The following DICER1 variants were observed in gnomAD, a reference collection of about 807,000 sequenced individuals.
DICER1 encodes dicer 1, ribonuclease III, also known as endoribonuclease Dicer.
Under a neutral mutation model 194.1 loss-of-function variants are expected in DICER1, and 43 were observed. The observed-to-expected ratio is 0.22, with a 90% CI of 0.17 to 0.29. The LOEUF is 0.29. Ranked by LOEUF, DICER1 falls within the 10% of genes least tolerant of loss-of-function variation. The pLI, the probability that DICER1 is intolerant of heterozygous loss-of-function variation, is 1.00. For synonymous variants in DICER1, 832 were observed against 820.5 expected (o/e 1.01, Z -0.24); for missense variants, 1,608 against 2,317.0 (o/e 0.69, Z 6.28).
In DICER1 at chr14:95,155,700, T is replaced by C. The variant is rs115442998; in HGVS notation, c.-46+1530A>G. On this transcript the variant is annotated intron_variant, in intron 1 of 26. Transcript: ENST00000343455. ...AATGTCTTTTCTCCCCAAATTAAAATGGACTAACTGTTCTCTTCTTAAAAC... is the reference window on the plus strand; with the variant it reads ...AATGTCTTTTCTCCCCAAATTAAAACGGACTAACTGTTCTCTTCTTAAAAC... 5.3e-3 allele frequency among the ~76,000 whole-genome samples: 809 copies of C among 152,356 alleles called. 3 individuals are homozygous for C. Among genetic ancestry groups the C allele is most frequent in the African/African-American group, 0.018 (750 of 41,588 alleles).
intron 1 of DICER1, among the ~76,000 whole-genome samples, chr14:95,137,155 G>A (rs1017687940): frequency 6.6e-6 from 1 of 150,424 alleles, no homozygotes; most frequent in African/African-American, 2.5e-5. Context: ...AAAGGGAAAG[G>A]AAGAGGAAGG....
chr14:95,105,118 A>C lies in DICER1; in HGVS notation c.3222T>G (p.Thr1074=). ...LLTAEELRAQ[T]ASDAGVGVRS... ...TGACTCCCACGCCAGCATCGCTGGC[A>C]GTCTGGGCTCTTAGCTCCTCTGCAG... The change falls in exon 20 of 27, where the codon ACT becomes ACG. Residue 1074 remains threonine (T), a synonymous_variant. Transcript: ENST00000343455. This position sits in a 1 kb window ranked among gnomAD's most constrained non-coding sequence, Gnocchi z 4.9. 6.2e-7 allele frequency: 1 copy of C among 1,614,252 alleles called. No homozygotes were observed. Among genetic ancestry groups the C allele is most frequent in the Non-Finnish European group, 8.5e-7 (1 of 1,180,028 alleles).
chr14:95,112,397 T>C, intron 12 of DICER1, 150 bp from the exon 13 acceptor site: 1 of 693,422 alleles, frequency 1.4e-6, no homozygotes, highest in Non-Finnish European at 2.5e-6. Flanking sequence ...AGCAAGTTTT[T>C]AAAAATTCTA....
At chr14:95,155,217 G>T (rs1246883777) in intron 1 of DICER1, among the ~76,000 whole-genome samples, 1 of 152,154 alleles carries the variant, frequency 6.6e-6, no homozygotes, top group Non-Finnish European at 1.5e-5. Flanking sequence ...GAAACATCTT[G>T]GCGCATAACA....
intron 21 of DICER1, 52 bp downstream of exon 21, chr14:95,103,294 T>C: frequency 6.3e-7 from 1 of 1,580,320 alleles, no homozygotes; most frequent in Non-Finnish European, 8.7e-7. Flanking sequence ...TGCAAACCAC[T>C]TTCAGGCACA....
intron 1 of DICER1, among the ~76,000 whole-genome samples, chr14:95,154,364 A>T (rs1016763104): frequency 6.6e-6 from 1 of 152,226 alleles, no homozygotes; most frequent in Admixed American, 6.5e-5. Flanking sequence ...TATATGTCTA[A>T]AAGAAGGGAA....
intron 1 of DICER1, among the ~76,000 whole-genome samples, chr14:95,149,843 A>AT (rs200460413): frequency 0.035 from 5,314 of 152,300 alleles, 326 homozygotes; most frequent in African/African-American, 0.12. Flanking sequence ...AGACACTTTT[A>AT]AATTAAAAGA....
chr14:95,140,827 A>G (rs1304131285), intron 1 of DICER1: 2 of 152,324 alleles, frequency 1.3e-5, no homozygotes, highest in Non-Finnish European at 2.9e-5. Context: ...CATCTACAAG[A>G]GAGCCCTACT....
At chr14:95,149,619 T>G (rs757513966) in intron 1 of DICER1, among the ~76,000 whole-genome samples, 13 of 152,186 alleles carry the variant, frequency 8.5e-5, no homozygotes, top group Non-Finnish European at 1.9e-4. Flanking sequence ...TGAAAGATAA[T>G]CTCATACTAT....
At chr14:95,157,179 G>C (rs1895948924) in intron 1 of DICER1, 51 bp downstream of exon 1, 1 of 149,904 alleles carries the variant, frequency 6.7e-6, no homozygotes, top group Non-Finnish European at 1.5e-5. Context: ...GCGGCCAGGC[G>C]ACCCGCTCCC....
At chr14:95,098,340 A>C (rs945681828) in intron 22 of DICER1, among the ~76,000 whole-genome samples, 1 of 152,264 alleles carries the variant, frequency 6.6e-6, no homozygotes, top group Non-Finnish European at 1.5e-5. Context: ...GTTTCCACTT[A>C]AGCCCATTTG....
rs756202530 is a variant in DICER1 at position 95,108,300 on chromosome 14, AAGTACTCATT to A, written c.2436+14_2436+23del. ...TTCCTAAGCAAGACGTTTTTGACAT[AAGTACTCATT>A]ATGAAATACCTACCTGAGGTATGGG... On this transcript the variant is annotated intron_variant, in intron 15 of 26. Transcript: ENST00000343455. 330 of 1,608,260 alleles carry A rather than the reference AAGTACTCATT, an allele frequency of 2.1e-4. No homozygotes were observed. Among genetic ancestry groups the A allele is most frequent in the Non-Finnish European group, 2.6e-4 (310 of 1,175,152 alleles).
intron 6 of DICER1, among the ~76,000 whole-genome samples, chr14:95,127,142 C>T (rs1196674318): frequency 6.6e-6 from 1 of 152,198 alleles, no homozygotes; most frequent in African/African-American, 2.4e-5. Context: ...CATTACATGA[C>T]TCTGTCTAAA....
intron 10 of DICER1, 100 bp downstream of exon 10, chr14:95,116,353 T>C: frequency 7.0e-7 from 1 of 1,424,144 alleles, no homozygotes; most frequent in Non-Finnish European, 9.7e-7. Context: ...TGCCTGTAGA[T>C]AAAACTCATT....
At chr14:95,094,227 C>G in intron 23 of DICER1, 71 bp from the exon 24 acceptor site, 2 of 1,550,456 alleles carry the variant, frequency 1.3e-6, no homozygotes, top group Non-Finnish European at 1.8e-6. Context: ...AGCAACTGAT[C>G]CCCAAATCCG....
intron 24 of DICER1, 55 bp from the exon 25 acceptor site, chr14:95,091,420 C>A (rs758254099): frequency 2.1e-4 from 317 of 1,518,330 alleles, no homozygotes; most frequent in Admixed American, 6.8e-4. Flanking sequence ...TACAGGCAGT[C>A]CACAGATGTA....
chr14:95,142,444 G>T (rs1007238893), intron 1 of DICER1, among the ~76,000 whole-genome samples: 1 of 152,134 alleles, frequency 6.6e-6, no homozygotes, highest in Admixed American at 6.5e-5. Flanking sequence ...AACATGTCCT[G>T]CTGTGTCACC....
At chr14:95,092,226 G>A (rs948420606) in intron 24 of DICER1, among the ~76,000 whole-genome samples, 10 of 152,174 alleles carry the variant, frequency 6.6e-5, no homozygotes, top group Non-Finnish European at 1.5e-4. Context: ...AAGAACAGGT[G>A]ACAGTATCCT....
intron 22 of DICER1, among the ~76,000 whole-genome samples, chr14:95,097,940 C>A (rs1337592349): frequency 6.6e-6 from 1 of 152,104 alleles, no homozygotes; most frequent in Admixed American, 6.5e-5. Flanking sequence ...CAATCTTAGA[C>A]TTTCCAAGGC....
Sources: gnomAD v4.1 joint callset for allele counts (sites outside exome capture counted in the v4.1 genomes callset) on GRCh38, gnomAD v4.1.1 for gene constraint, Gnocchi (gnomAD v3.1) non-coding constraint, MANE v1.5 for transcripts, NCBI Gene and HGNC (gene_info 2026-07-23, HGNC 2026-07-21) for gene names.